The following LYPD6 variants were observed in gnomAD, a reference collection of about 807,000 sequenced individuals.
LYPD6 encodes LY6/PLAUR domain containing 6.
LYPD6 carries 15 observed loss-of-function variants against 22.7 expected under a neutral mutation model. That is an observed-to-expected ratio of 0.66 (90% CI 0.44 to 1.02). The LOEUF (loss-of-function observed/expected upper bound fraction) is 1.02, where lower values mean the gene tolerates loss of function less well. Among genes scored for constraint, LYPD6 ranks in the 50% least tolerant of loss-of-function variants. The pLI is 0.00. For missense variants in LYPD6, 189 were observed against 208.4 expected (o/e 0.91, Z 0.57); for synonymous variants, 72 against 77.5 (o/e 0.93, Z 0.37).
At chr2:149,485,201 C>T in the LYPD6 span, among the ~76,000 whole-genome samples, 1 of 152,114 alleles carries the variant, frequency 6.6e-6, no homozygotes, top group African/African-American at 2.4e-5. Flanking sequence ...GAGGGCATTC[C>T]TTATGCTCCT....
In LYPD6 at chr2:149,468,679, A is replaced by T; in HGVS notation, c.252A>T (p.Glu84Asp). Reference sequence around the variant, plus strand: ...ACTGCTACACTCAGCACACAATGGAAGTCACAGGAAACAGTATCTCAGTCA... The same window carrying T: ...ACTGCTACACTCAGCACACAATGGATGTCACAGGAAACAGTATCTCAGTCA... ...TRYCYTQHTMEVTGNSISVTK... is the reference protein window; with the variant it reads ...TRYCYTQHTMDVTGNSISVTK... Residue 84 changes from glutamate (E) to aspartate (D), a missense_variant, in exon 4 of 5, where the codon GAA becomes GAT. By Grantham distance (45) the Glu-to-Asp change is conservative. Coordinates refer to ENST00000334166, the MANE Select transcript of LYPD6 (RefSeq NM_194317.5). 1 of 1,613,644 alleles carries T rather than the reference A, an allele frequency of 6.2e-7. No individual in the cohort carries two copies. The highest frequency in any genetic ancestry group is 8.5e-7 in the Non-Finnish European group (1 of 1,179,672).
intron 1 of LYPD6, among the ~76,000 whole-genome samples, chr2:149,357,434 T>TA (rs544279543): frequency 1.8e-4 from 28 of 152,220 alleles, no homozygotes; most frequent in Non-Finnish European, 3.8e-4. Context: ...TTAACATGGT[T>TA]ACTTTATTTT....
At chr2:149,437,925 C>A (rs539378774) in intron 2 of LYPD6, 99 bp downstream of exon 2, 29 of 1,330,022 alleles carry the variant, frequency 2.2e-5, no homozygotes, top group Non-Finnish European at 2.7e-5. Flanking sequence ...ATAGTGAAAA[C>A]CTCCCGTGAT....
intron 1 of LYPD6, among the ~76,000 whole-genome samples, chr2:149,375,653 A>G (rs1188322435): frequency 1.3e-5 from 2 of 152,096 alleles, no homozygotes. Flanking sequence ...TTGTGGGCCC[A>G]TTGCTATAAC....
chr2:149,415,507 C>T (rs140372847), intron 1 of LYPD6, among the ~76,000 whole-genome samples: 19 of 151,988 alleles, frequency 1.3e-4, no homozygotes, highest in Non-Finnish European at 1.8e-4. Flanking sequence ...AGCAACTGAC[C>T]GGGAGAAATA....
intron 1 of LYPD6, among the ~76,000 whole-genome samples, chr2:149,422,296 C>A (rs908947813): frequency 2.0e-5 from 3 of 152,154 alleles, no homozygotes; most frequent in Admixed American, 2.0e-4. Context: ...AGCAACCTTC[C>A]CAGGAGCAGT....
chr2:149,399,348 T>C (rs1448906973), intron 1 of LYPD6, among the ~76,000 whole-genome samples: 1 of 152,244 alleles, frequency 6.6e-6, no homozygotes, highest in Non-Finnish European at 1.5e-5. Flanking sequence ...CTTAAAGTTA[T>C]AATTGTTCAT....
At chr2:149,461,486 A>G (rs1379610437) in intron 3 of LYPD6, among the ~76,000 whole-genome samples, 2 of 151,984 alleles carry the variant, frequency 1.3e-5, no homozygotes, top group East Asian at 3.8e-4. Flanking sequence ...CCAATTCTAG[A>G]TAAAATCTTC....
intron 3 of LYPD6, among the ~76,000 whole-genome samples, chr2:149,465,415 C>G (rs925494140): frequency 5.9e-5 from 9 of 152,138 alleles, no homozygotes; most frequent in Admixed American, 6.5e-5. Flanking sequence ...TGCGACTGGC[C>G]TTTCATTTTT....
At chr2:149,351,796 A>G (rs967811706) in intron 1 of LYPD6, among the ~76,000 whole-genome samples, 8 of 151,968 alleles carry the variant, frequency 5.3e-5, no homozygotes. Flanking sequence ...GCTGGGCCCC[A>G]CCCCAGGATT....
chr2:149,430,182 C>T (rs1262066283), intron 1 of LYPD6, among the ~76,000 whole-genome samples: 1 of 152,158 alleles, frequency 6.6e-6, no homozygotes, highest in East Asian at 1.9e-4. Flanking sequence ...TCACTGCAAC[C>T]TCCGCCTCCC....
intron 1 of LYPD6, among the ~76,000 whole-genome samples, chr2:149,389,998 A>C (rs1271122567): frequency 6.6e-6 from 1 of 152,192 alleles, no homozygotes; most frequent in Non-Finnish European, 1.5e-5. Flanking sequence ...CATTTTCCCA[A>C]ATGGAATAAT....
At chr2:149,407,394 T>C (rs566828148) in intron 1 of LYPD6, among the ~76,000 whole-genome samples, 1 of 152,358 alleles carries the variant, frequency 6.6e-6, no homozygotes, top group South Asian at 2.1e-4. Context: ...TTTGGTCTTT[T>C]CACATAGTCG....
At chr2:149,421,711 T>G (rs1289132142) in intron 1 of LYPD6, among the ~76,000 whole-genome samples, 1 of 152,224 alleles carries the variant, frequency 6.6e-6, no homozygotes, top group Admixed American at 6.5e-5. Flanking sequence ...AATTTTTATT[T>G]AGTTTTAAAG....
chr2:149,384,926 G>T (rs1417183304), intron 1 of LYPD6, among the ~76,000 whole-genome samples: 1 of 130,950 alleles, frequency 7.6e-6, no homozygotes, highest in Non-Finnish European at 1.5e-5. Context: ...TCCCCTTCCT[G>T]TGTCCATGTG....
At chr2:149,394,988 T>C (rs922477034) in intron 1 of LYPD6, among the ~76,000 whole-genome samples, 1 of 152,330 alleles carries the variant, frequency 6.6e-6, no homozygotes, top group African/African-American at 2.4e-5. Flanking sequence ...ACATATATTC[T>C]CTGTATGTTA....
chr2:149,446,604 T>A (rs1683694553), intron 2 of LYPD6, among the ~76,000 whole-genome samples: 1 of 151,938 alleles, frequency 6.6e-6, no homozygotes, highest in South Asian at 2.1e-4. Flanking sequence ...GAAAATGGAG[T>A]GGTTGGATGG....
At chr2:149,484,183 A>G in the LYPD6 span, among the ~76,000 whole-genome samples, 1 of 152,228 alleles carries the variant, frequency 6.6e-6, no homozygotes, top group African/African-American at 2.4e-5. Context: ...ATTTAGGTTG[A>G]AGTTTACCAA....
the LYPD6 span, among the ~76,000 whole-genome samples, chr2:149,486,069 C>G: frequency 6.6e-6 from 1 of 152,136 alleles, no homozygotes; most frequent in African/African-American, 2.4e-5. Flanking sequence ...AGATATAGAC[C>G]TTCACAGTAT....
Sources: gnomAD v4.1 joint callset for allele counts (sites outside exome capture counted in the v4.1 genomes callset) on GRCh38, gnomAD v4.1.1 for gene constraint, MANE v1.5 for transcripts, NCBI Gene and HGNC (gene_info 2026-07-23, HGNC 2026-07-21) for gene names.